MYOZ2: variants seen among roughly 807,000 people sequenced by gnomAD.
MYOZ2 encodes the protein myozenin 2, also known as myozenin-2.
A neutral mutation model predicts 25.4 loss-of-function variants in MYOZ2; 19 were observed. The ratio of observed to expected loss-of-function variants is 0.75; its 90% CI spans 0.52 to 1.10. The LOEUF is 1.10. Ranked by LOEUF, MYOZ2 falls within the 50% of genes least tolerant of loss-of-function variation. The probability of loss-of-function intolerance (pLI) is 0.00; values close to 1 mark genes in which losing one functional copy is unlikely to be tolerated. For synonymous variants in MYOZ2, 92 were observed against 106.9 expected, an observed-to-expected ratio of 0.86 and a Z score of 0.86; for missense variants, 270 against 317.9, an observed-to-expected ratio of 0.85 and a Z score of 1.15.
intron 2 of MYOZ2, among the ~76,000 whole-genome samples, chr4:119,142,218 C>A (rs1741171932): frequency 6.6e-6 from 1 of 152,158 alleles, no homozygotes; most frequent in African/African-American, 2.4e-5. Context: ...GCACTAAATG[C>A]AGAGCTGGAA....
At chr4:119,154,899 T>C (rs906882235) in intron 3 of MYOZ2, among the ~76,000 whole-genome samples, 2 of 130,936 alleles carry the variant, frequency 1.5e-5, no homozygotes, top group Non-Finnish European at 3.6e-5. Context: ...ACAATGCCTT[T>C]CTTAGTCCAT....
intron 2 of MYOZ2, among the ~76,000 whole-genome samples, chr4:119,139,096 T>A (rs908319716): frequency 6.6e-6 from 1 of 152,190 alleles, no homozygotes; most frequent in Non-Finnish European, 1.5e-5. Context: ...TTGCTCATTT[T>A]GAATCCATTG....
intron 2 of MYOZ2, among the ~76,000 whole-genome samples, chr4:119,146,330 T>C (rs959939680): frequency 5.3e-5 from 8 of 152,068 alleles, no homozygotes; most frequent in African/African-American, 9.7e-5. Flanking sequence ...TTTATTGATT[T>C]GATACTTTTT....
chr4:119,173,641 G>A lies in MYOZ2; in HGVS notation c.560+9247G>A, dbSNP rs181005858. Among the ~76,000 whole-genome samples the A allele has an allele frequency of 5.0e-3, 757 of 152,326 alleles. 5 individuals carry two copies. The highest frequency in any genetic ancestry group is 0.017 in the Middle Eastern group (5 of 294). On this transcript the variant is annotated intron_variant, in intron 5 of 5. Coordinates refer to ENST00000307128, the MANE Select transcript of MYOZ2 (RefSeq NM_016599.5). The stretch of plus-strand genomic sequence containing the variant: ...CTGGCAGTCCTCACAGCCCTCGCTC[G>A]CTCTCGGCACCTCCTCTGCCTGGGC...
At position 119,164,226 on chromosome 4, in the gene MYOZ2, T is replaced by A. The variant is rs781466292; in HGVS notation, c.392T>A (p.Leu131Gln). ...TTTTCCAAAGGATATTCTGGACCACTGAAGGAAATTCCTCCTGAAAAATTC... is the reference window on the plus strand; with the variant it reads ...TTTTCCAAAGGATATTCTGGACCACAGAAGGAAATTCCTCCTGAAAAATTC... ...DNIAPGYSGPLKEIPPEKFNT... is the reference protein window; with the variant it reads ...DNIAPGYSGPQKEIPPEKFNT... Residue 131 changes from leucine to glutamine, a missense_variant, in exon 5 of 6, where the codon CTG becomes CAG. Physicochemically the swap from Leu to Gln is moderately radical, Grantham distance 113. Coordinates refer to ENST00000307128, the MANE Select transcript of MYOZ2 (RefSeq NM_016599.5). The A allele has an allele frequency of 2.5e-6, 4 of 1,613,882 alleles. No individual in the cohort carries two copies. In the Admixed American group the frequency reaches 6.7e-5, roughly 27 times the overall value.
At chr4:119,145,300 G>A (rs1277722842) in intron 2 of MYOZ2, among the ~76,000 whole-genome samples, 3 of 150,484 alleles carry the variant, frequency 2.0e-5, no homozygotes, top group South Asian at 4.2e-4. Context: ...TGTGGGATAT[G>A]GGATATTGTT....
intron 5 of MYOZ2, among the ~76,000 whole-genome samples, chr4:119,172,951 T>C (rs896506791): frequency 4.6e-5 from 7 of 152,238 alleles, no homozygotes; most frequent in Admixed American, 3.3e-4. Flanking sequence ...TGACTTCGGG[T>C]ATGTCACTTA....
chr4:119,167,387 C>T (rs11098491), intron 5 of MYOZ2, among the ~76,000 whole-genome samples: 52,193 of 152,074 alleles, frequency 0.34, 10,313 homozygotes, highest in East Asian at 0.52. Context: ...AAGGGAGTTG[C>T]AGAAGAAAAG....
intron 5 of MYOZ2, among the ~76,000 whole-genome samples, chr4:119,184,935 G>T (rs982503619): frequency 1.1e-4 from 17 of 152,310 alleles, no homozygotes; most frequent in African/African-American, 3.8e-4. Flanking sequence ...AGTAGCAAAT[G>T]ACTGACATAG....
At chr4:119,175,667 G>A (rs914652782) in intron 5 of MYOZ2, among the ~76,000 whole-genome samples, 2 of 151,780 alleles carry the variant, frequency 1.3e-5, no homozygotes, top group Admixed American at 1.3e-4. Flanking sequence ...CAGGAGACTG[G>A]TTTGAACCCA....
intron 3 of MYOZ2, among the ~76,000 whole-genome samples, chr4:119,152,256 AC>A (rs1463038007): frequency 6.6e-6 from 1 of 152,042 alleles, no homozygotes; most frequent in African/African-American, 2.4e-5. Flanking sequence ...ATGCCCAGTA[AC>A]CTCTTATCAA....
chr4:119,170,853 G>A (rs1741933165), intron 5 of MYOZ2, among the ~76,000 whole-genome samples: 1 of 152,078 alleles, frequency 6.6e-6, no homozygotes, highest in African/African-American at 2.4e-5. Context: ...AAGGGTAAAT[G>A]CAAAGTAAAC....
At chr4:119,173,230 G>A (rs770312099) in intron 5 of MYOZ2, among the ~76,000 whole-genome samples, 1 of 152,144 alleles carries the variant, frequency 6.6e-6, no homozygotes, top group South Asian at 2.1e-4. Flanking sequence ...GAATGAAACA[G>A]GCTTATTCTT....
chr4:119,153,062 C>CTT (rs5861415), intron 3 of MYOZ2, among the ~76,000 whole-genome samples: 2,426 of 137,832 alleles, frequency 0.018, 44 homozygotes, highest in African/African-American at 0.05. Flanking sequence ...AAAGCGTTGC[C>CTT]TTTTTTTTTT....
At chr4:119,144,354 T>C (rs1413630735) in intron 2 of MYOZ2, among the ~76,000 whole-genome samples, 2 of 152,214 alleles carry the variant, frequency 1.3e-5, no homozygotes, top group African/African-American at 4.8e-5. Flanking sequence ...TTTAATAGTT[T>C]ACCCATTGAA....
chr4:119,174,887 G>A (rs1742027284), intron 5 of MYOZ2, among the ~76,000 whole-genome samples: 1 of 152,114 alleles, frequency 6.6e-6, no homozygotes, highest in Admixed American at 6.6e-5. Flanking sequence ...TCCTGAAGCA[G>A]TGAGACCACG....
intron 3 of MYOZ2, among the ~76,000 whole-genome samples, chr4:119,156,734 A>C (rs1741586071): frequency 6.6e-6 from 1 of 152,136 alleles, no homozygotes; most frequent in Non-Finnish European, 1.5e-5. Context: ...TGAAGATTTT[A>C]TTTTATCATT....
chr4:119,173,500 G>A (rs1282770191), intron 5 of MYOZ2, among the ~76,000 whole-genome samples: 1 of 152,162 alleles, frequency 6.6e-6, no homozygotes, highest in African/African-American at 2.4e-5. Flanking sequence ...TTTGTGTGTT[G>A]AGGGCAATCA....
intron 2 of MYOZ2, among the ~76,000 whole-genome samples, chr4:119,138,951 A>C (rs1485613247): frequency 6.6e-6 from 1 of 152,176 alleles, no homozygotes; most frequent in Non-Finnish European, 1.5e-5. Context: ...TTTACATCAG[A>C]GCCCTCATTC....
Sources: allele counts gnomAD v4.1 joint callset (sites outside exome capture counted in the v4.1 genomes callset), GRCh38; gene constraint gnomAD v4.1.1; transcripts MANE v1.5; gene names NCBI Gene and HGNC (gene_info 2026-07-23, HGNC 2026-07-21).